Variants in RBFOX1 observed in about 807,000 individuals in gnomAD.
The protein encoded by RBFOX1 is RNA binding fox-1 homolog 1.
In RBFOX1, 8 loss-of-function variants were observed where a neutral mutation model predicts 57.7. The observed-to-expected ratio is 0.14, with a 90% CI of 0.08 to 0.25. The LOEUF (loss-of-function observed/expected upper bound fraction) is 0.25, where lower values mean the gene tolerates loss of function less well. Among genes scored for constraint, RBFOX1 ranks in the 10% least tolerant of loss-of-function variants. RBFOX1 has a pLI of 1.00. For missense variants in RBFOX1, 611 were observed against 548.5 expected, an observed-to-expected ratio of 1.11 and a Z score of -1.14; for synonymous variants, 326 against 222.4, an observed-to-expected ratio of 1.47 and a Z score of -4.15.
chr16:6,804,226 A>C (rs1377646167), intron 3 of RBFOX1, among the ~76,000 whole-genome samples: 2 of 151,520 alleles, frequency 1.3e-5, no homozygotes, highest in East Asian at 2.0e-4. Flanking sequence ...GCCAGGCTGG[A>C]CTCAAACTCC....
intron 3 of RBFOX1, among the ~76,000 whole-genome samples, chr16:6,973,916 C>T (rs1260977895): frequency 2.6e-5 from 4 of 152,040 alleles, no homozygotes; most frequent in Non-Finnish European, 4.4e-5. Context: ...AGCTTTTATC[C>T]CTAATGCTCG....
At chr16:7,017,570 G>T (rs1354303784) in intron 3 of RBFOX1, among the ~76,000 whole-genome samples, 1 of 152,142 alleles carries the variant, frequency 6.6e-6, no homozygotes, top group Non-Finnish European at 1.5e-5. Flanking sequence ...TTTTATAGAC[G>T]ACTGCAAATT....
chr16:7,624,680 C>A (rs963820721), intron 10 of RBFOX1, among the ~76,000 whole-genome samples: 1 of 152,178 alleles, frequency 6.6e-6, no homozygotes, highest in Admixed American at 6.5e-5. Context: ...TCAGACATTG[C>A]CCTGCAGGGT....
intron 4 of RBFOX1, among the ~76,000 whole-genome samples, chr16:6,008,997 A>G (rs768629063): frequency 6.6e-6 from 1 of 152,168 alleles, no homozygotes; most frequent in Non-Finnish European, 1.5e-5. Flanking sequence ...TTATTGGTCT[A>G]TTAATGGCTG....
At chr16:7,022,741 G>A (rs996441844) in intron 3 of RBFOX1, among the ~76,000 whole-genome samples, 1 of 152,126 alleles carries the variant, frequency 6.6e-6, no homozygotes. Flanking sequence ...GTCTTAGTAT[G>A]GGCCAAACAG....
intron 3 of RBFOX1, among the ~76,000 whole-genome samples, chr16:5,806,922 C>A (rs1269112392): frequency 6.6e-6 from 1 of 152,084 alleles, no homozygotes; most frequent in Non-Finnish European, 1.5e-5. Flanking sequence ...AAGCAGCCAG[C>A]CTTTCCCCAC....
intron 1 of RBFOX1, among the ~76,000 whole-genome samples, chr16:5,296,887 C>T (rs1308729159): frequency 6.6e-6 from 1 of 152,030 alleles, no homozygotes; most frequent in Admixed American, 6.6e-5. Flanking sequence ...TCATGTTGGT[C>T]AGGCTGGTCT....
chr16:7,085,747 G>A (rs140407353), intron 4 of RBFOX1, among the ~76,000 whole-genome samples: 1 of 152,090 alleles, frequency 6.6e-6, no homozygotes, highest in South Asian at 2.1e-4. Flanking sequence ...ATGAATTTTC[G>A]GTTTTTTCTT....
intron 2 of RBFOX1, among the ~76,000 whole-genome samples, chr16:5,594,712 T>C (rs905757445): frequency 3.9e-5 from 6 of 152,144 alleles, no homozygotes; most frequent in Non-Finnish European, 1.5e-5. Context: ...GAGAGGTGAC[T>C]TTGAATGCAA....
chr16:6,204,300 A>G (rs1323327136), intron 1 of RBFOX1, among the ~76,000 whole-genome samples: 1 of 152,256 alleles, frequency 6.6e-6, no homozygotes, highest in Non-Finnish European at 1.5e-5. Flanking sequence ...TGGTAATTTC[A>G]TGAGTCAATG....
At chr16:6,466,907 T>A (rs1164444165) in intron 2 of RBFOX1, among the ~76,000 whole-genome samples, 2 of 152,210 alleles carry the variant, frequency 1.3e-5, no homozygotes, top group East Asian at 1.9e-4. Context: ...TCTCTCTGTG[T>A]CAATCTTAAT....
intron 2 of RBFOX1, among the ~76,000 whole-genome samples, chr16:6,507,827 A>G (rs1178630723): frequency 6.6e-6 from 1 of 151,554 alleles, no homozygotes; most frequent in East Asian, 1.9e-4. Flanking sequence ...AGGAGGGGGG[A>G]ATGGGGAATG....
At chr16:7,336,284 A>C (rs570426985) in intron 4 of RBFOX1, among the ~76,000 whole-genome samples, 35 of 152,312 alleles carry the variant, frequency 2.3e-4, no homozygotes, top group African/African-American at 8.2e-4. Context: ...TTTGGGTCTA[A>C]TGTGTTGGCT....
intron 1 of RBFOX1, among the ~76,000 whole-genome samples, chr16:5,396,031 G>A (rs1297114954): frequency 6.6e-6 from 1 of 152,194 alleles, no homozygotes; most frequent in Non-Finnish European, 1.5e-5. Flanking sequence ...AGCTGAGGGA[G>A]AGAACCCAAC....
chr16:5,642,250 T>C (rs2151332828), intron 3 of RBFOX1, among the ~76,000 whole-genome samples: 1 of 152,330 alleles, frequency 6.6e-6, no homozygotes, highest in East Asian at 1.9e-4. Flanking sequence ...AAGGTTTATT[T>C]GTGTAGCTGC....
At chr16:5,490,788 C>T (rs1360202790) in intron 2 of RBFOX1, among the ~76,000 whole-genome samples, 1 of 152,166 alleles carries the variant, frequency 6.6e-6, no homozygotes, top group Non-Finnish European at 1.5e-5. Flanking sequence ...GCTAGAAGTG[C>T]ATCCGCCTCT....
intron 5 of RBFOX1, among the ~76,000 whole-genome samples, chr16:7,577,034 G>C (rs540626603): frequency 7.9e-4 from 120 of 152,306 alleles, no homozygotes; most frequent in African/African-American, 2.9e-3. Context: ...CGGAGAAAAC[G>C]CAAATTCTGC....
intron 10 of RBFOX1, among the ~76,000 whole-genome samples, chr16:7,626,772 G>A (rs1471783583): frequency 1.3e-5 from 2 of 151,672 alleles, no homozygotes; most frequent in Non-Finnish European, 2.9e-5. Flanking sequence ...AAGATTGGTT[G>A]AAAAAAAACA....
intron 1 of RBFOX1, among the ~76,000 whole-genome samples, chr16:5,346,428 T>G (rs1051319073): frequency 6.6e-6 from 1 of 152,198 alleles, no homozygotes; most frequent in African/African-American, 2.4e-5. Context: ...GAAGTTATGA[T>G]GTTTGAACCA....
Sources: gnomAD v4.1 joint callset for allele counts (sites outside exome capture counted in the v4.1 genomes callset) on GRCh38, gnomAD v4.1.1 for gene constraint, MANE v1.5 for transcripts, NCBI Gene and HGNC (gene_info 2026-07-23, HGNC 2026-07-21) for gene names.